Variants in NALCN observed in about 807,000 individuals in gnomAD.
NALCN encodes sodium leak channel, non-selective, also known as sodium leak channel NALCN.
A neutral mutation model predicts 225.3 loss-of-function variants in NALCN; 111 were observed. The observed-to-expected ratio is 0.49, with a 90% CI of 0.42 to 0.58. The LOEUF is 0.58. Ranked by LOEUF, NALCN falls within the 20% of genes least tolerant of loss-of-function variation. The pLI, the probability that NALCN is intolerant of heterozygous loss-of-function variation, is 0.00. For missense variants in NALCN, 1,378 were observed against 2,202.4 expected, an observed-to-expected ratio of 0.63 and a Z score of 7.49; for synonymous variants, 764 against 769.0, an observed-to-expected ratio of 0.99 and a Z score of 0.11.
intron 7 of NALCN, among the ~76,000 whole-genome samples, chr13:101,319,050 G>A (rs1359394712): frequency 1.3e-5 from 2 of 152,152 alleles, no homozygotes; most frequent in African/African-American, 2.4e-5. Context: ...TACCACTGGA[G>A]GGAAAATACC....
intron 13 of NALCN, among the ~76,000 whole-genome samples, chr13:101,220,837 C>T (rs1416392019): frequency 3.3e-5 from 5 of 152,120 alleles, no homozygotes; most frequent in Non-Finnish European, 7.4e-5. Flanking sequence ...AAATATATTA[C>T]ATAGGCTGTA....
At chr13:101,205,276 T>C (rs759675536) in intron 13 of NALCN, among the ~76,000 whole-genome samples, 51 of 152,100 alleles carry the variant, frequency 3.4e-4, no homozygotes, top group Non-Finnish European at 6.5e-4. Context: ...TCCTCAGTAT[T>C]TTTTACTCTT....
intron 18 of NALCN, among the ~76,000 whole-genome samples, chr13:101,116,104 T>C (rs561427035): frequency 6.6e-6 from 1 of 152,166 alleles, no homozygotes; most frequent in Non-Finnish European, 1.5e-5. Context: ...ATGCCCTCTC[T>C]ACCTTTGAAA....
intron 10 of NALCN, among the ~76,000 whole-genome samples, chr13:101,263,907 C>T (rs868357168): frequency 3.9e-5 from 6 of 152,198 alleles, no homozygotes; most frequent in African/African-American, 1.4e-4. Context: ...TCAGCCAGTG[C>T]TTGAAACTGG....
At chr13:101,132,126 T>C (rs2036548669) in intron 17 of NALCN, among the ~76,000 whole-genome samples, 2 of 152,114 alleles carry the variant, frequency 1.3e-5, no homozygotes, top group Non-Finnish European at 2.9e-5. Flanking sequence ...ATTTCTTTAC[T>C]AGATATTCAT....
intron 6 of NALCN, among the ~76,000 whole-genome samples, chr13:101,369,654 T>C (rs2046482117): frequency 6.6e-6 from 1 of 152,198 alleles, no homozygotes; most frequent in Non-Finnish European, 1.5e-5. Flanking sequence ...ACTGCAGTAC[T>C]ACACAGCTGC....
chr13:101,318,932 C>A (rs770315570), intron 7 of NALCN, among the ~76,000 whole-genome samples: 11 of 152,262 alleles, frequency 7.2e-5, no homozygotes, highest in Non-Finnish European at 1.5e-4. Flanking sequence ...ACTCTTCAAA[C>A]TCAATAAACC....
At chr13:101,308,546 T>G (rs1359773899) in intron 7 of NALCN, among the ~76,000 whole-genome samples, 1 of 152,148 alleles carries the variant, frequency 6.6e-6, no homozygotes, top group Non-Finnish European at 1.5e-5. Flanking sequence ...GAAATCAACT[T>G]GTGTCTTGCT....
chr13:101,054,095 G>A lies in NALCN; in HGVS notation c.*1200C>T, dbSNP rs2030905055. On this transcript the variant is annotated 3_prime_UTR_variant, in exon 44 of 44. Coordinates refer to ENST00000251127, the MANE Select transcript of NALCN (RefSeq NM_052867.4). ...CAAATGTCCAATCTGTAATAAAATA[G>A]TTAAAGGTCCAAGTCAAGTCCACTT... 6.6e-6 allele frequency: 1 copy of A among 152,168 alleles called. No individual in the cohort carries two copies. The highest frequency in any genetic ancestry group is 6.5e-5 in the Admixed American group (1 of 15,274). 9.4% of individuals were successfully genotyped at this position (152,168 alleles called of 1,614,324 possible).
chr13:101,067,340 G>A (rs1281375081), intron 39 of NALCN, among the ~76,000 whole-genome samples: 7 of 123,848 alleles, frequency 5.7e-5, no homozygotes, highest in Non-Finnish European at 1.2e-4. Flanking sequence ...GGGAAGAAGA[G>A]GGGGTAGAGG....
intron 1 of NALCN, among the ~76,000 whole-genome samples, chr13:101,407,120 G>A (rs973721677): frequency 6.6e-6 from 1 of 152,178 alleles, no homozygotes; most frequent in Non-Finnish European, 1.5e-5. Flanking sequence ...GAACACAGTT[G>A]TTATGATTTG....
Position 101,207,173 on chromosome 13 carries a change from T to TA in NALCN, c.1627-15120dup, listed in dbSNP as rs2040345872. ...TGCTTTTTAGTGTCATTTTATATAATAAAAAACCAATTCTCAGAAAAGTTA... is the reference window on the plus strand; with the variant it reads ...TGCTTTTTAGTGTCATTTTATATAATAAAAAAACCAATTCTCAGAAAAGTTA... On this transcript the variant is annotated intron_variant, in intron 13 of 43. Transcript: ENST00000251127. Among the ~76,000 whole-genome samples, 3 of 152,194 alleles carry TA rather than the reference T, an allele frequency of 2.0e-5. No individual in the cohort carries two copies. In the South Asian group the frequency reaches 6.2e-4, roughly 31 times the overall value.
chr13:101,197,695 T>A (rs2140026344), intron 13 of NALCN, among the ~76,000 whole-genome samples: 1 of 152,274 alleles, frequency 6.6e-6, no homozygotes, highest in African/African-American at 2.4e-5. Context: ...TGAGGTGATC[T>A]GGAACAAGCA....
chr13:101,248,130 CA>C (rs1174859239), intron 11 of NALCN, among the ~76,000 whole-genome samples: 2 of 152,210 alleles, frequency 1.3e-5, no homozygotes, highest in Non-Finnish European at 2.9e-5. Flanking sequence ...TGAACATATG[CA>C]TGCATGTATC....
chr13:101,058,047 G>A lies in NALCN; in HGVS notation c.4915C>T (p.Gln1639Ter). 1 of 1,612,592 alleles carries A rather than the reference G, an allele frequency of 6.2e-7. No individual in the cohort carries two copies. Among genetic ancestry groups the A allele is most frequent in the African/African-American group, 1.3e-5 (1 of 75,032 alleles). The change falls in exon 43 of 44, where the codon CAG becomes TAG. Residue 1639 changes from glutamine to a stop codon, truncating the protein, a stop_gained. Coordinates refer to ENST00000251127, the MANE Select transcript of NALCN (RefSeq NM_052867.4). LOFTEE classifies it high-confidence loss of function. ...AGCGTGGGGCTCAGGAGCTGCTGCT[G>A]GCTGCTTGTCTGCATGGGAGGAGAA... is the stretch of plus-strand genomic sequence containing the variant. ...DNSMQPETSS[Q>*]QQLLSPTLSD...
intron 3 of NALCN, among the ~76,000 whole-genome samples, chr13:101,382,094 A>T (rs2046865731): frequency 6.6e-6 from 1 of 152,210 alleles, no homozygotes; most frequent in African/African-American, 2.4e-5. Flanking sequence ...TTTTCAAAAC[A>T]GTATTACTAT....
At chr13:101,083,000 T>A (rs2033740516) in intron 32 of NALCN, 92 bp downstream of exon 32, 1 of 1,538,982 alleles carries the variant, frequency 6.5e-7, no homozygotes. Context: ...CCCAAGAACA[T>A]AACCGTGAAT....
chr13:101,116,078 A>T (rs1178585060), intron 18 of NALCN, among the ~76,000 whole-genome samples: 1 of 152,058 alleles, frequency 6.6e-6, no homozygotes, highest in Non-Finnish European at 1.5e-5. Flanking sequence ...TCCTTTTCCC[A>T]GTTGGGGTTA....
At chr13:101,115,427 C>T (rs2035659838) in intron 18 of NALCN, among the ~76,000 whole-genome samples, 1 of 152,150 alleles carries the variant, frequency 6.6e-6, no homozygotes, top group Admixed American at 6.5e-5. Flanking sequence ...TTGCTGGGAA[C>T]ATAGTCTCCA....
Sources: allele counts gnomAD v4.1 joint callset (sites outside exome capture counted in the v4.1 genomes callset), GRCh38; gene constraint gnomAD v4.1.1; transcripts MANE v1.5; gene names NCBI Gene and HGNC (gene_info 2026-07-23, HGNC 2026-07-21).